The following CLSTN2 variants were observed in gnomAD, a reference collection of about 807,000 sequenced individuals.
CLSTN2 encodes the protein calsyntenin-2.
A neutral mutation model predicts 101.2 loss-of-function variants in CLSTN2; 48 were observed. The ratio of observed to expected loss-of-function variants is 0.47; its 90% confidence interval spans 0.38 to 0.60. The LOEUF (loss-of-function observed/expected upper bound fraction) is 0.60, where lower values mean the gene tolerates loss of function less well. Ranked by LOEUF, CLSTN2 falls within the 20% of genes least tolerant of loss-of-function variation. The pLI is 0.00. For missense variants in CLSTN2, 1,160 were observed against 1,238.2 expected, an observed-to-expected ratio of 0.94 and a Z score of 0.95; for synonymous variants, 481 against 463.6, an observed-to-expected ratio of 1.04 and a Z score of -0.48.
At chr3:140,332,264 C>T (rs1409959256) in intron 2 of CLSTN2, among the ~76,000 whole-genome samples, 1 of 152,142 alleles carries the variant, frequency 6.6e-6, no homozygotes, top group African/African-American at 2.4e-5. Flanking sequence ...ACAAGAAATG[C>T]ACACAGAAGA....
intron 2 of CLSTN2, among the ~76,000 whole-genome samples, chr3:140,379,997 A>C (rs1392792516): frequency 2.6e-5 from 4 of 152,178 alleles, no homozygotes; most frequent in Non-Finnish European, 4.4e-5. Context: ...AAAATTGACA[A>C]TGAAACAAAA....
At chr3:140,039,481 G>A (rs1576405896) in intron 1 of CLSTN2, among the ~76,000 whole-genome samples, 1 of 151,998 alleles carries the variant, frequency 6.6e-6, no homozygotes, top group African/African-American at 2.4e-5. Flanking sequence ...TTTTACATTT[G>A]CATATTAATA....
At chr3:140,355,092 A>G (rs1244534693) in intron 2 of CLSTN2, among the ~76,000 whole-genome samples, 1 of 152,226 alleles carries the variant, frequency 6.6e-6, no homozygotes, top group East Asian at 1.9e-4. Context: ...CTGTGTTATC[A>G]GAAGACCAGA....
chr3:140,495,055 G>A (rs1258085612), intron 8 of CLSTN2, among the ~76,000 whole-genome samples: 1 of 152,110 alleles, frequency 6.6e-6, no homozygotes, highest in Non-Finnish European at 1.5e-5. Context: ...TTCCACAATG[G>A]TTGAACTAAA....
chr3:140,185,574 G>A (rs1343498684), intron 2 of CLSTN2, among the ~76,000 whole-genome samples: 2 of 152,150 alleles, frequency 1.3e-5, no homozygotes, highest in Non-Finnish European at 2.9e-5. Context: ...CCAGGGGTGG[G>A]CACCTGACCC....
At chr3:140,412,257 C>T (rs528047602) in intron 4 of CLSTN2, among the ~76,000 whole-genome samples, 5 of 152,282 alleles carry the variant, frequency 3.3e-5, no homozygotes, top group South Asian at 2.1e-4. Flanking sequence ...TCAGGTGATC[C>T]GCCCACCTCA....
chr3:140,409,642 G>A (rs961596427), intron 4 of CLSTN2, among the ~76,000 whole-genome samples: 2 of 152,096 alleles, frequency 1.3e-5, no homozygotes, highest in South Asian at 2.1e-4. Flanking sequence ...CAAGTATCAC[G>A]AAGGATCAGG....
At position 140,269,978 on chromosome 3, in the gene CLSTN2, A is replaced by G. The variant is rs533811639; in HGVS notation, c.232+93905A>G. 1.9e-4 allele frequency among the ~76,000 whole-genome samples: 29 copies of G among 152,322 alleles called. No homozygotes were observed. In the East Asian group the frequency reaches 5.2e-3, roughly 27 times the overall value. ...TTTGATGGTAGAGAAAGAAAACAAGAAAGAGGAAAAGCGGGCCAGTTTCTT... is the reference window on the plus strand; with the variant it reads ...TTTGATGGTAGAGAAAGAAAACAAGGAAGAGGAAAAGCGGGCCAGTTTCTT... On this transcript the variant is annotated intron_variant, in intron 2 of 16. Transcript: ENST00000458420.
intron 7 of CLSTN2, chr3:140,460,267 T>G (rs1933526550): frequency 6.1e-6 from 1 of 164,638 alleles, no homozygotes; most frequent in East Asian, 1.6e-4. Context: ...GATAGGCTTT[T>G]CAGCATGCTG....
intron 1 of CLSTN2, among the ~76,000 whole-genome samples, chr3:139,980,374 G>A (rs2162211): frequency 0.33 from 50,426 of 151,944 alleles, 10,556 homozygotes; most frequent in Non-Finnish European, 0.46. Flanking sequence ...AGATGTCCAT[G>A]TCCCTTGCTC....
chr3:140,464,801 G>A (rs1368840203), intron 7 of CLSTN2, among the ~76,000 whole-genome samples: 2 of 152,180 alleles, frequency 1.3e-5, no homozygotes, highest in Admixed American at 6.5e-5. Flanking sequence ...CCCAGAAGCA[G>A]TCCCGGGTGT....
At chr3:140,518,422 C>A (rs1934961879) in intron 8 of CLSTN2, among the ~76,000 whole-genome samples, 2 of 152,116 alleles carry the variant, frequency 1.3e-5, no homozygotes, top group African/African-American at 4.8e-5. Flanking sequence ...CCCCAAGAAC[C>A]CCTGTGAGAC....
At chr3:140,336,723 A>C (rs564399879) in intron 2 of CLSTN2, among the ~76,000 whole-genome samples, 1 of 152,310 alleles carries the variant, frequency 6.6e-6, no homozygotes, top group African/African-American at 2.4e-5. Flanking sequence ...TCAATGTAAT[A>C]AAAGCCAAAG....
chr3:140,135,398 G>A (rs1383499747), intron 1 of CLSTN2, among the ~76,000 whole-genome samples: 2 of 151,890 alleles, frequency 1.3e-5, no homozygotes, highest in Non-Finnish European at 2.9e-5. Context: ...TGTAATCCTT[G>A]TGATTATCTC....
At chr3:140,502,177 C>A (rs959390659) in intron 8 of CLSTN2, among the ~76,000 whole-genome samples, 13 of 152,222 alleles carry the variant, frequency 8.5e-5, no homozygotes, top group African/African-American at 2.2e-4. Flanking sequence ...CCCAAGTGGG[C>A]CTTTCCCCAG....
intron 6 of CLSTN2, among the ~76,000 whole-genome samples, chr3:140,451,147 C>T (rs1933239141): frequency 6.6e-6 from 1 of 152,168 alleles, no homozygotes. Flanking sequence ...AGCATCGTTT[C>T]CTAAACTCCT....
chr3:139,938,187 A>G (rs1239730278), intron 1 of CLSTN2, among the ~76,000 whole-genome samples: 6 of 152,180 alleles, frequency 3.9e-5, no homozygotes, highest in Non-Finnish European at 7.3e-5. Flanking sequence ...GATTGAACAA[A>G]AAACCAGATA....
intron 1 of CLSTN2, among the ~76,000 whole-genome samples, chr3:140,052,185 G>A (rs2008009788): frequency 6.6e-6 from 1 of 152,122 alleles, no homozygotes; most frequent in South Asian, 2.1e-4. Flanking sequence ...TTGAGACAGA[G>A]TCTCGCTCTG....
intron 1 of CLSTN2, among the ~76,000 whole-genome samples, chr3:140,168,685 A>G (rs1358421022): frequency 6.6e-6 from 1 of 152,076 alleles, no homozygotes; most frequent in Admixed American, 6.6e-5. Context: ...GTATAGCACA[A>G]TACAACTGGA....
Sources: allele counts gnomAD v4.1 joint callset (sites outside exome capture counted in the v4.1 genomes callset), GRCh38; gene constraint gnomAD v4.1.1; transcripts MANE v1.5; gene names NCBI Gene and HGNC (gene_info 2026-07-23, HGNC 2026-07-21).